SLC25A21: variants seen among roughly 807,000 people sequenced by gnomAD.
SLC25A21 encodes the protein mitochondrial 2-oxodicarboxylate carrier.
A neutral mutation model predicts 43.8 loss-of-function variants in SLC25A21; 47 were observed. The ratio of observed to expected loss-of-function variants is 1.07; its 90% CI spans 0.85 to 1.37. The LOEUF is 1.37. Ranked by LOEUF, SLC25A21 falls within the 40% of genes most tolerant of loss-of-function variation. SLC25A21 has a pLI of 0.00. For missense variants in SLC25A21, 352 were observed against 350.2 expected, an observed-to-expected ratio of 1.00 and a Z score of -0.04; for synonymous variants, 131 against 121.3, an observed-to-expected ratio of 1.08 and a Z score of -0.52.
chr14:36,922,729 C>A (rs1451961599), intron 1 of SLC25A21, among the ~76,000 whole-genome samples: 1 of 151,992 alleles, frequency 6.6e-6, no homozygotes, highest in Non-Finnish European at 1.5e-5. Flanking sequence ...AGTATAGACT[C>A]CAGAGGGGTC....
intron 1 of SLC25A21, among the ~76,000 whole-genome samples, chr14:37,040,373 G>GAGAGAAAGAAAGAA (rs1384086757): frequency 4.8e-5 from 1 of 20,942 alleles, no homozygotes. Flanking sequence ...GAGAGAGAGA[G>GAGAGAAAGAAAGAA]AGAAAGAAAG....
chr14:37,172,415 C>T lies in SLC25A21; in HGVS notation c.-65G>A. On this transcript the variant is annotated 5_prime_UTR_variant, in exon 1 of 10. Coordinates refer to ENST00000331299, the MANE Select transcript of SLC25A21 (RefSeq NM_030631.4). ...GTCAACGAGCTCGCAGCCTGCACAG[C>T]CTACTGATCCAGAGAGCCCCGGCTG... is the stretch of plus-strand genomic sequence containing the variant. 6.7e-7 allele frequency: 1 copy of T among 1,501,356 alleles called. No individual in the cohort carries two copies. Among genetic ancestry groups the T allele is most frequent in the Non-Finnish European group, 9.1e-7 (1 of 1,100,268 alleles). The allele number at this position is 1,501,356 out of a possible 1,614,324, so 93.0% of individuals were successfully genotyped here. A position where few individuals can be genotyped will look rare whatever the true frequency, so the allele number is the denominator to read the frequency against.
chr14:36,771,195 G>T (rs969240427), intron 3 of SLC25A21, among the ~76,000 whole-genome samples: 5 of 152,012 alleles, frequency 3.3e-5, no homozygotes, highest in African/African-American at 4.8e-5. Context: ...TGCTTTTAAA[G>T]AATTATTGCC....
intron 1 of SLC25A21, among the ~76,000 whole-genome samples, chr14:37,086,316 G>A (rs1305336863): frequency 1.3e-5 from 2 of 152,058 alleles, no homozygotes; most frequent in Non-Finnish European, 2.9e-5. Flanking sequence ...ATCACACATG[G>A]TATAAACTTG....
chr14:36,749,375 T>G (rs1407178145), intron 3 of SLC25A21, among the ~76,000 whole-genome samples: 1 of 152,194 alleles, frequency 6.6e-6, no homozygotes, highest in Admixed American at 6.5e-5. Flanking sequence ...TTTCTCTACT[T>G]CATGTCTACT....
chr14:36,761,813 T>C (rs1446539222), intron 3 of SLC25A21, among the ~76,000 whole-genome samples: 1 of 152,210 alleles, frequency 6.6e-6, no homozygotes. Context: ...GATTGGCTAA[T>C]TTTGAGGACA....
intron 1 of SLC25A21, among the ~76,000 whole-genome samples, chr14:36,922,544 T>C (rs1566741062): frequency 6.6e-6 from 1 of 152,036 alleles, no homozygotes; most frequent in Non-Finnish European, 1.5e-5. Flanking sequence ...GCCCTCTTTT[T>C]TTTTTTTGTT....
chr14:36,846,450 C>T (rs986666601), intron 2 of SLC25A21, among the ~76,000 whole-genome samples: 40 of 152,156 alleles, frequency 2.6e-4, no homozygotes, highest in African/African-American at 8.7e-4. Flanking sequence ...GCTGTGATCT[C>T]GGCTCACTGC....
rs1048368216 is a variant in SLC25A21, at chr14:37,020,478, T to C, written c.71-145474A>G. On this transcript the variant is annotated intron_variant, in intron 1 of 9. Transcript: ENST00000331299. ...TTTTTCAAATCACAGAGTTTAGATG[T>C]GACCTGATTTGACTCCAAATTCCAC... Among the ~76,000 whole-genome samples the C allele has an allele frequency of 3.6e-4, 55 of 151,812 alleles. 1 individual carries two copies. Among genetic ancestry groups the C allele is most frequent in the African/African-American group, 1.3e-3 (53 of 41,358 alleles).
chr14:37,158,701 C>T (rs978934881), intron 1 of SLC25A21, among the ~76,000 whole-genome samples: 6 of 152,094 alleles, frequency 3.9e-5, no homozygotes, highest in Non-Finnish European at 7.4e-5. Context: ...TTTACAACTC[C>T]TATCCAACAT....
intron 2 of SLC25A21, among the ~76,000 whole-genome samples, chr14:36,837,374 G>A (rs907618564): frequency 6.6e-6 from 1 of 152,048 alleles, no homozygotes; most frequent in African/African-American, 2.4e-5. Context: ...CAGAGGAAGT[G>A]CGGCACACAC....
rs371289587 is a variant in SLC25A21 at position 36,724,136 on chromosome 14, C to A, written c.438+1434G>T. On this transcript the variant is annotated intron_variant, in intron 6 of 9. Coordinates refer to ENST00000331299, the MANE Select transcript of SLC25A21 (RefSeq NM_030631.4). The stretch of plus-strand genomic sequence containing the variant: ...TTATTCAAGAAAGAGTAAAGAGAAA[C>A]GAAAACTAGAATACAGAGATTTTCA... 1.3e-3 allele frequency among the ~76,000 whole-genome samples: 205 copies of A among 152,208 alleles called. 1 individual carries two copies. The highest frequency in any genetic ancestry group is 6.8e-3 in the Middle Eastern group (2 of 294).
At chr14:36,754,324 C>T (rs1885840529) in intron 3 of SLC25A21, among the ~76,000 whole-genome samples, 1 of 152,116 alleles carries the variant, frequency 6.6e-6, no homozygotes, top group African/African-American at 2.4e-5. Flanking sequence ...ATCAGTTCTT[C>T]TAGTTCTATA....
At chr14:36,890,103 C>G (rs1378454283) in intron 1 of SLC25A21, among the ~76,000 whole-genome samples, 1 of 151,950 alleles carries the variant, frequency 6.6e-6, no homozygotes, top group African/African-American at 2.4e-5. Flanking sequence ...AGGTTGTCAA[C>G]CTAGAGTGAG....
chr14:36,872,550 T>G (rs1890404521), intron 2 of SLC25A21, among the ~76,000 whole-genome samples: 1 of 152,180 alleles, frequency 6.6e-6, no homozygotes, highest in East Asian at 1.9e-4. Context: ...ATATTCTACT[T>G]CTGTTGCAGT....
Position 36,729,554 on chromosome 14 carries a change from C to T in SLC25A21, c.283G>A (p.Glu95Lys), listed in dbSNP as rs1424326218. ...TATCCCAGCAATTTCTTGTACTGCT[C>T]AAAGGTGAAAAACTGTGAAACAAAA... ...PKRAVKFFTF[E>K]QYKKLLGYVS... The change falls in exon 5 of 10, where the codon GAG (glutamate) becomes AAG (lysine). Residue 95 changes from glutamate (E) to lysine (K), a missense_variant. Physicochemically the swap from Glu to Lys is moderately conservative, Grantham distance 56 (BLOSUM62 1). Coordinates refer to ENST00000331299, the MANE Select transcript of SLC25A21 (RefSeq NM_030631.4). The T allele has an allele frequency of 6.2e-7, 1 of 1,608,562 alleles. No homozygotes were observed. The highest frequency in any genetic ancestry group is 8.5e-7 in the Non-Finnish European group (1 of 1,178,164).
Position 36,814,114 on chromosome 14 carries a change from T to C in SLC25A21, c.120-113A>G, listed in dbSNP as rs1888369205. 7.6e-6 allele frequency: 5 copies of C among 656,886 alleles called. No homozygotes were observed. The East Asian group carries it at 1.4e-4, about 18-fold the overall frequency. The allele number at this position is 656,886 out of a possible 1,614,324, so 40.7% of individuals were successfully genotyped here. A position where few individuals can be genotyped will look rare whatever the true frequency, so the allele number is the denominator to read the frequency against. On this transcript the variant is annotated intron_variant, in intron 2 of 9. Transcript: ENST00000331299. ...TTCAGATTAATCTAGAATATTCTGC[T>C]TTGGTATGGATTTTATTCATTTATT...
chr14:37,052,662 A>C lies in SLC25A21; in HGVS notation c.70+119619T>G, dbSNP rs72669506. 8.9e-3 allele frequency among the ~76,000 whole-genome samples: 1,354 copies of C among 151,756 alleles called. 11 individuals are homozygous for C. Among genetic ancestry groups the C allele is most frequent in the Non-Finnish European group, 0.015 (1,029 of 67,942 alleles). ...TAAACTTTTTTTTTCCCCCCGAGAC[A>C]GAGTCTTACTCTGTCTCCCAGACTG... On this transcript the variant is annotated intron_variant, in intron 1 of 9. Transcript: ENST00000331299.
At chr14:36,870,053 AG>A (rs1335504143) in intron 2 of SLC25A21, among the ~76,000 whole-genome samples, 1 of 152,212 alleles carries the variant, frequency 6.6e-6, no homozygotes, top group Non-Finnish European at 1.5e-5. Flanking sequence ...AATTAACTCC[AG>A]AAAAATAATC....
Sources: allele counts gnomAD v4.1 joint callset (sites outside exome capture counted in the v4.1 genomes callset), GRCh38; gene constraint gnomAD v4.1.1; transcripts MANE v1.5; gene names NCBI Gene and HGNC (gene_info 2026-07-23, HGNC 2026-07-21).